RAB9A: variants seen among roughly 807,000 people sequenced by gnomAD.
RAB9A encodes the protein RAB9A, member RAS oncogene family.
Under a neutral mutation model 10.3 loss-of-function variants are expected in RAB9A, and 1 was observed. That is an observed-to-expected ratio of 0.10 (90% CI 0.03 to 0.46). The LOEUF is 0.46. RAB9A is among the 20% of genes least tolerant of loss of function. RAB9A has a pLI of 0.96. For missense variants in RAB9A, 92 were observed against 150.3 expected, an observed-to-expected ratio of 0.61 and a Z score of 2.03; for synonymous variants, 39 against 55.2, an observed-to-expected ratio of 0.71 and a Z score of 1.30.
At chrX:13,690,153 C>T (rs1465036952) in intron 1 of RAB9A, among the ~76,000 whole-genome samples, 1 of 111,677 alleles carries the variant, frequency 9.0e-6, no homozygotes, top group East Asian at 2.8e-4. Flanking sequence ...CGGTCTCTGG[C>T]ACCATTGTAA....
At chrX:13,704,497 C>T (rs1337829965) in intron 2 of RAB9A, among the ~76,000 whole-genome samples, 2 of 111,638 alleles carry the variant, frequency 1.8e-5, no homozygotes, top group East Asian at 5.5e-4. Flanking sequence ...TGAAAACATA[C>T]ACTGCTAAGG....
chrX:13,708,679 T>C, intron 2 of RAB9A, 42 bp from the exon 3 acceptor site: 1 of 1,068,855 alleles, frequency 9.4e-7, no homozygotes, highest in Non-Finnish European at 1.3e-6. Context: ...TAGAAGAATG[T>C]GTAGGTATAA....
Position 13,709,126 on chromosome X carries a change from A to T in RAB9A, c.380A>T (p.Asp127Val). ...TTTGTGATTCTGGGTAACAAGATTG[A>T]CATAAGCGAACGGCAGGTGTCTACA... ...FPFVILGNKI[D>V]ISERQVSTEE... Residue 127 changes from aspartate to valine, a missense_variant, in exon 3 of 3, where the codon GAC (aspartate) becomes GTC (valine). Coordinates refer to ENST00000464506, the MANE Select transcript of RAB9A (RefSeq NM_004251.5). 8.3e-7 allele frequency: 1 copy of T among 1,211,889 alleles called. No individual in the cohort carries two copies. The highest frequency in any genetic ancestry group is 1.1e-6 in the Non-Finnish European group (1 of 895,565).
chrX:13,692,437 C>G (rs763163286), intron 1 of RAB9A, among the ~76,000 whole-genome samples: 1 of 112,409 alleles, frequency 8.9e-6, no homozygotes, highest in East Asian at 2.8e-4. Context: ...TAGTTTTGTA[C>G]GGTTAACCAC....
intron 1 of RAB9A, among the ~76,000 whole-genome samples, chrX:13,691,100 T>C (rs1270102817): frequency 9.0e-6 from 1 of 111,276 alleles, no homozygotes; most frequent in East Asian, 2.8e-4. Flanking sequence ...ATTTTTATTT[T>C]TGTTATTTAA....
At chrX:13,699,760 A>G (rs1212941485) in intron 1 of RAB9A, among the ~76,000 whole-genome samples, 2 of 112,060 alleles carry the variant, frequency 1.8e-5, no homozygotes, top group Admixed American at 1.9e-4. Context: ...AGGTGCGGGG[A>G]TGGTGAGTAG....
chrX:13,708,965 G>A lies in RAB9A; in HGVS notation c.219G>A (p.Arg73=). The A allele has an allele frequency of 1.7e-6, 2 of 1,211,760 alleles. No individual in the cohort carries two copies. Among genetic ancestry groups the A allele is most frequent in the Non-Finnish European group, 2.2e-6 (2 of 895,545 alleles). ...GTCAGGAGCGATTCCGAAGCCTGAGGACACCATTTTACAGAGGTTCTGACT... is the reference window on the plus strand; with the variant it reads ...GTCAGGAGCGATTCCGAAGCCTGAGAACACCATTTTACAGAGGTTCTGACT... ...TAGQERFRSL[R]TPFYRGSDCC... is the part of the protein sequence containing the mutation. The change falls in exon 3 of 3, where the codon AGG becomes AGA. Residue 73 remains arginine, a synonymous_variant. Coordinates refer to ENST00000464506, the MANE Select transcript of RAB9A (RefSeq NM_004251.5).
intron 1 of RAB9A, among the ~76,000 whole-genome samples, chrX:13,692,003 G>A (rs1464867304): frequency 1.8e-5 from 2 of 109,764 alleles, no homozygotes; most frequent in Admixed American, 2.0e-4. Context: ...AAGCAAAACA[G>A]GAAAAAAAAG....
At chrX:13,691,980 G>A (rs922797176) in intron 1 of RAB9A, among the ~76,000 whole-genome samples, 10 of 108,764 alleles carry the variant, frequency 9.2e-5, no homozygotes, top group African/African-American at 3.0e-4. Flanking sequence ...GGGGCCAGGT[G>A]TTCATTAAAA....
intron 1 of RAB9A, among the ~76,000 whole-genome samples, chrX:13,699,670 C>A (rs961013203): frequency 8.9e-6 from 1 of 112,356 alleles, no homozygotes; most frequent in Non-Finnish European, 1.9e-5. Flanking sequence ...CTAAGATTGT[C>A]ATAGCTGTCG....
chrX:13,696,673 G>C (rs2046149356), intron 1 of RAB9A, among the ~76,000 whole-genome samples: 1 of 112,112 alleles, frequency 8.9e-6, no homozygotes, highest in Non-Finnish European at 1.9e-5. Context: ...CATTGGATTG[G>C]CCATTAGGAG....
intron 1 of RAB9A, among the ~76,000 whole-genome samples, chrX:13,695,689 A>G (rs979737206): frequency 2.7e-5 from 3 of 112,334 alleles, no homozygotes; most frequent in Non-Finnish European, 3.8e-5. Context: ...TTGAACTACC[A>G]TCAGGGTACC....
chrX:13,700,244 G>A (rs916095031), intron 1 of RAB9A, among the ~76,000 whole-genome samples: 2 of 111,703 alleles, frequency 1.8e-5, no homozygotes, highest in African/African-American at 6.5e-5. Context: ...GCCACCGTGC[G>A]TGGCCAGCAG....
chrX:13,706,884 C>T (rs1283253993), intron 2 of RAB9A, among the ~76,000 whole-genome samples: 1 of 111,827 alleles, frequency 8.9e-6, no homozygotes, highest in African/African-American at 3.3e-5. Context: ...TTCAGTTACA[C>T]TATAGTTGCT....
rs767416158 is a variant in RAB9A, at chrX:13,709,835, A to G, written c.*483A>G. 1 of 123,993 alleles carries G rather than the reference A, an allele frequency of 8.1e-6. No homozygotes were observed. Among genetic ancestry groups the G allele is most frequent in the African/African-American group, 3.2e-5 (1 of 30,990 alleles). The allele number at this position is 123,993 out of a possible 1,213,427, so 10.2% of individuals were successfully genotyped here. On this transcript the variant is annotated 3_prime_UTR_variant, in exon 3 of 3. Transcript: ENST00000464506. ...TCTAATGTATTTGCAATGCATTGTTAATTTACTTCTTCATTCTCTTCAAAA... is the reference window on the plus strand; with the variant it reads ...TCTAATGTATTTGCAATGCATTGTTGATTTACTTCTTCATTCTCTTCAAAA...
intron 2 of RAB9A, among the ~76,000 whole-genome samples, chrX:13,707,334 G>T (rs755891984): frequency 1.8e-5 from 2 of 112,048 alleles, no homozygotes; most frequent in African/African-American, 3.2e-5. Flanking sequence ...CGAAATAACT[G>T]GGGAGAAGGG....
intron 1 of RAB9A, among the ~76,000 whole-genome samples, chrX:13,698,181 CTTT>C (rs1270144674): frequency 1.3e-5 from 1 of 76,785 alleles, no homozygotes; most frequent in African/African-American, 4.9e-5. Flanking sequence ...TCTTCTTTTT[CTTT>C]TTTTTCTTTT....
chrX:13,705,207 G>T lies in RAB9A; in HGVS notation c.-27+1305G>T, dbSNP rs757697250. Among the ~76,000 whole-genome samples the T allele has an allele frequency of 4.5e-5, 5 of 112,207 alleles. No individual in the cohort carries two copies. In the East Asian group the frequency reaches 1.4e-3, roughly 31 times the overall value. ...CAAATGAAACTGGCTTTTGTTAGAT[G>T]TCACTGGTAAATAAGATGGTGTGTA... is the stretch of plus-strand genomic sequence containing the variant. On this transcript the variant is annotated intron_variant, in intron 2 of 2. Transcript: ENST00000464506.
At chrX:13,702,251 C>G (rs1398696613) in intron 1 of RAB9A, among the ~76,000 whole-genome samples, 2 of 111,447 alleles carry the variant, frequency 1.8e-5, no homozygotes, top group Non-Finnish European at 3.8e-5. Context: ...CTGGTTCCTG[C>G]TCCCTCCTCT....
Sources: allele counts gnomAD v4.1 joint callset (sites outside exome capture counted in the v4.1 genomes callset), GRCh38; gene constraint gnomAD v4.1.1; transcripts MANE v1.5; gene names NCBI Gene and HGNC (gene_info 2026-07-23, HGNC 2026-07-21).